The following DNAH11 variants were observed in gnomAD, a reference collection of about 807,000 sequenced individuals.
DNAH11 encodes axonemal beta dynein heavy chain 11.
Under a neutral mutation model 526.0 loss-of-function variants are expected in DNAH11, and 442 were observed. That is an observed-to-expected ratio of 0.84 (90% CI 0.78 to 0.91). DNAH11 has a LOEUF of 0.91. DNAH11 is among the 40% of genes least tolerant of loss of function. The pLI, the probability that DNAH11 is intolerant of heterozygous loss-of-function variation, is 0.00. For missense variants in DNAH11, 6,989 were observed against 5,448.7 expected, an observed-to-expected ratio of 1.28 and a Z score of -8.90; for synonymous variants, 2,461 against 1,935.9, an observed-to-expected ratio of 1.27 and a Z score of -7.12.
intron 55 of DNAH11, among the ~76,000 whole-genome samples, chr7:21,766,724 A>AG (rs1787201742): frequency 6.6e-6 from 1 of 150,750 alleles, no homozygotes; most frequent in Admixed American, 6.6e-5. Context: ...AAAAAAAAAA[A>AG]GCAGCTATAG....
At chr7:21,634,325 A>C (rs1249697511) in intron 25 of DNAH11, among the ~76,000 whole-genome samples, 1 of 152,220 alleles carries the variant, frequency 6.6e-6, no homozygotes, top group African/African-American at 2.4e-5. Flanking sequence ...AGAATAGAGC[A>C]TTGGAAAAGA....
At chr7:21,862,168 T>C (rs1021310039) in intron 69 of DNAH11, 145 bp downstream of exon 69, 9 of 858,422 alleles carry the variant, frequency 1.0e-5, no homozygotes, top group African/African-American at 1.0e-4. Context: ...GGGAATTTGC[T>C]TCCCACAGGG....
At chr7:21,819,148 A>C (rs1347790963) in intron 65 of DNAH11, among the ~76,000 whole-genome samples, 1 of 152,074 alleles carries the variant, frequency 6.6e-6, no homozygotes, top group African/African-American at 2.4e-5. Context: ...TAATTCACTG[A>C]GTTTCCTTCC....
intron 5 of DNAH11, 79 bp from the exon 6 acceptor site, chr7:21,564,107 C>A: frequency 9.3e-7 from 1 of 1,072,042 alleles, no homozygotes; most frequent in Non-Finnish European, 1.3e-6. Flanking sequence ...TTACGTGGCT[C>A]TCTTCTACAT....
At chr7:21,803,047 A>G (rs913065103) in intron 62 of DNAH11, among the ~76,000 whole-genome samples, 2 of 151,930 alleles carry the variant, frequency 1.3e-5, no homozygotes, top group African/African-American at 2.4e-5. Context: ...TACTTTTTAA[A>G]GTATAAAGTC....
chr7:21,696,174 T>C (rs1327632127), intron 35 of DNAH11, among the ~76,000 whole-genome samples: 4 of 152,102 alleles, frequency 2.6e-5, no homozygotes, highest in East Asian at 1.9e-4. Flanking sequence ...AATCTAAGAA[T>C]GTCTACAGTT....
At chr7:21,691,372 C>T (rs1783618288) in intron 35 of DNAH11, among the ~76,000 whole-genome samples, 1 of 151,462 alleles carries the variant, frequency 6.6e-6, no homozygotes, top group South Asian at 2.1e-4. Flanking sequence ...AGCAGGAGGG[C>T]ATGGCAGCTG....
At position 21,899,372 on chromosome 7, in the gene DNAH11, T is replaced by C. The variant is rs754460337; in HGVS notation, c.13086T>C (p.Asp4362=). The change falls in exon 80 of 82, where the codon GAT becomes GAC. Residue 4362 remains aspartate, a synonymous_variant. Coordinates refer to ENST00000409508, the MANE Select transcript of DNAH11 (RefSeq NM_001277115.2). ...NDLLLRCREL[D]TWTQDLTLPA... ...TCCTCCTGCGATGCCGAGAACTCGA[T>C]ACTTGGACACAAGACCTTACCCTTC... 1.9e-6 allele frequency: 3 copies of C among 1,614,000 alleles called. No individual in the cohort carries two copies. The South Asian group carries it at 3.3e-5, about 18-fold the overall frequency.
At chr7:21,651,507 C>T (rs911050411) in intron 28 of DNAH11, among the ~76,000 whole-genome samples, 2 of 152,140 alleles carry the variant, frequency 1.3e-5, no homozygotes, top group Admixed American at 6.5e-5. Flanking sequence ...GAATTATAGG[C>T]GCGTGCCACT....
intron 54 of DNAH11, among the ~76,000 whole-genome samples, chr7:21,763,352 A>AAAAAAAAAGAAAAG (rs1787012273): frequency 3.6e-5 from 4 of 112,328 alleles, no homozygotes; most frequent in South Asian, 2.8e-4. Flanking sequence ...AAAAAAAAAA[A>AAAAAAAAAGAAAAG]AAAAGAAAAA....
intron 46 of DNAH11, among the ~76,000 whole-genome samples, chr7:21,736,640 T>C (rs1352102518): frequency 6.6e-6 from 1 of 152,214 alleles, no homozygotes; most frequent in East Asian, 1.9e-4. Flanking sequence ...TAGTGATTTT[T>C]CCGTCATCTT....
chr7:21,619,231 C>T lies in DNAH11; in HGVS notation c.4377+9C>T, dbSNP rs6968114. 4 of 1,611,014 alleles carry T rather than the reference C, an allele frequency of 2.5e-6. No homozygotes were observed. The African/African-American group carries it at 4.0e-5, about 16-fold the overall frequency. On this transcript the variant is annotated intron_variant, in intron 24 of 81. Coordinates refer to ENST00000409508, the MANE Select transcript of DNAH11 (RefSeq NM_001277115.2). ...AGCTGGGGACTGAGAAGGTAGTGTC[C>T]TCGGGACTGGGTCATTTCTACTTGG... is the stretch of plus-strand genomic sequence containing the variant.
chr7:21,697,647 C>A (rs1310883945), intron 35 of DNAH11, among the ~76,000 whole-genome samples: 1 of 152,168 alleles, frequency 6.6e-6, no homozygotes, highest in Non-Finnish European at 1.5e-5. Context: ...ATCTTGGAAT[C>A]AGCCATGGTG....
At chr7:21,847,676 G>A (rs527738511) in intron 66 of DNAH11, among the ~76,000 whole-genome samples, 18 of 152,232 alleles carry the variant, frequency 1.2e-4, no homozygotes, top group African/African-American at 3.1e-4. Flanking sequence ...AGTGACATTC[G>A]ATCCGGTTGA....
intron 28 of DNAH11, among the ~76,000 whole-genome samples, chr7:21,651,533 T>A (rs929274002): frequency 2.0e-5 from 3 of 152,210 alleles, no homozygotes; most frequent in Non-Finnish European, 4.4e-5. Context: ...CTTTGTTTTC[T>A]AAGTGAACAG....
intron 57 of DNAH11, among the ~76,000 whole-genome samples, chr7:21,779,750 G>C (rs1238115263): frequency 6.6e-6 from 1 of 152,020 alleles, no homozygotes; most frequent in Non-Finnish European, 1.5e-5. Context: ...ACATAGTTTT[G>C]TACATCTGAT....
intron 81 of DNAH11, 38 bp downstream of exon 81, chr7:21,900,158 T>TA (rs1462240022): frequency 1.3e-5 from 20 of 1,580,212 alleles, no homozygotes; most frequent in Middle Eastern, 1.7e-4. Flanking sequence ...AACCTTTTCT[T>TA]ACTCAGGTTC....
At chr7:21,575,415 C>T (rs750664195) in intron 8 of DNAH11, among the ~76,000 whole-genome samples, 11 of 152,160 alleles carry the variant, frequency 7.2e-5, no homozygotes, top group Non-Finnish European at 1.5e-4. Flanking sequence ...TTATTTAGTT[C>T]ATCTGTACTA....
rs72658817 is a variant in DNAH11, at chr7:21,868,953, G to T, written c.11929G>T (p.Glu3977Ter). 5.0e-6 allele frequency: 8 copies of T among 1,613,838 alleles called. No individual in the cohort carries two copies. The highest frequency in any genetic ancestry group is 2.5e-6 in the Non-Finnish European group (3 of 1,179,886). The stretch of plus-strand genomic sequence containing the variant: ...GGAGACGGTGGCAGAAGTGGCCCTG[G>T]AGAAAGCTTCCAAAGGAGGACACTG... Reference protein sequence around the residue: ...GQETVAEVALEKASKGGHWVI... With the variant: ...GQETVAEVAL The change falls in exon 73 of 82, where the codon GAG becomes TAG. Residue 3977 changes from glutamate (E) to a stop codon, truncating the protein, a stop_gained. Transcript: ENST00000409508. LOFTEE classifies it high-confidence loss of function.
Sources: allele counts gnomAD v4.1 joint callset (sites outside exome capture counted in the v4.1 genomes callset), GRCh38; gene constraint gnomAD v4.1.1; transcripts MANE v1.5; gene names NCBI Gene and HGNC (gene_info 2026-07-23, HGNC 2026-07-21).